NRDC: variants seen among roughly 807,000 people sequenced by gnomAD.
NRDC encodes nardilysin.
A neutral mutation model predicts 147.1 loss-of-function variants in NRDC; 54 were observed. That is an observed-to-expected ratio of 0.37 (90% CI 0.29 to 0.46). The LOEUF is 0.46. Ranked by LOEUF, NRDC falls within the 20% of genes least tolerant of loss-of-function variation. The pLI, the probability that NRDC is intolerant of heterozygous loss-of-function variation, is 1.00. For missense variants in NRDC, 1,082 were observed against 1,370.6 expected (o/e 0.79, Z 3.33); for synonymous variants, 440 against 482.1 (o/e 0.91, Z 1.14).
intron 5 of NRDC, 99 bp downstream of exon 5, chr1:51,827,697 T>C: frequency 1.1e-6 from 1 of 872,730 alleles, no homozygotes; most frequent in South Asian, 1.6e-5. Context: ...CTTTAAAATA[T>C]AAAGATAAAA....
chr1:51,820,099 A>G (rs538624263), intron 8 of NRDC, among the ~76,000 whole-genome samples: 1 of 152,306 alleles, frequency 6.6e-6, no homozygotes, highest in South Asian at 2.1e-4. Context: ...AACTCAAGAG[A>G]TAGAGAATGA....
intron 10 of NRDC, 138 bp from the exon 11 acceptor site, chr1:51,816,527 A>C (rs1046479088): frequency 4.7e-6 from 2 of 422,996 alleles, no homozygotes; most frequent in Admixed American, 4.3e-5. Flanking sequence ...ATGAAATTAT[A>C]ATTAATTTAG....
At chr1:51,814,938 A>G (rs1332453382) in intron 11 of NRDC, 125 bp from the exon 12 acceptor site, 9 of 1,031,106 alleles carry the variant, frequency 8.7e-6, no homozygotes, top group African/African-American at 8.1e-5. Flanking sequence ...GAATGTAAAC[A>G]TATACTTTCC....
chr1:51,858,503 C>T (rs1469788792), intron 1 of NRDC, among the ~76,000 whole-genome samples: 1 of 148,146 alleles, frequency 6.8e-6, no homozygotes, highest in African/African-American at 2.5e-5. Flanking sequence ...AAATAAAAAG[C>T]TCAGGTGAAT....
At chr1:51,851,261 G>C (rs1457537947) in intron 1 of NRDC, among the ~76,000 whole-genome samples, 2 of 152,088 alleles carry the variant, frequency 1.3e-5, no homozygotes, top group African/African-American at 4.8e-5. Flanking sequence ...GCTTCAGCAA[G>C]GTATTGGGCT....
chr1:51,837,610 C>G (rs1392558217), intron 2 of NRDC: 2 of 1,529,610 alleles, frequency 1.3e-6, no homozygotes, highest in Non-Finnish European at 1.8e-6. Flanking sequence ...CAAAAACAGG[C>G]TCTGCAATTG....
At chr1:51,849,437 A>C (rs953314279) in intron 1 of NRDC, among the ~76,000 whole-genome samples, 1 of 151,984 alleles carries the variant, frequency 6.6e-6, no homozygotes, top group Non-Finnish European at 1.5e-5. Context: ...CAAAACAAAA[A>C]AAACCCAACA....
At chr1:51,851,192 G>A (rs1331579661) in intron 1 of NRDC, among the ~76,000 whole-genome samples, 1 of 152,098 alleles carries the variant, frequency 6.6e-6, no homozygotes, top group Non-Finnish European at 1.5e-5. Flanking sequence ...TTTGGTAAGT[G>A]GGGGGTTGAT....
At chr1:51,803,319 A>G (rs998922529) in intron 20 of NRDC, among the ~76,000 whole-genome samples, 1 of 152,130 alleles carries the variant, frequency 6.6e-6, no homozygotes, top group Non-Finnish European at 1.5e-5. Flanking sequence ...TACTAAAAAT[A>G]CAAAAATTAG....
chr1:51,822,578 T>C (rs1213839877), intron 7 of NRDC, among the ~76,000 whole-genome samples: 4 of 152,176 alleles, frequency 2.6e-5, no homozygotes, highest in African/African-American at 9.7e-5. Context: ...TTTTAAAATT[T>C]TGAAATAAGC....
intron 1 of NRDC, among the ~76,000 whole-genome samples, chr1:51,858,653 C>G (rs934201339): frequency 6.6e-6 from 1 of 152,106 alleles, no homozygotes; most frequent in African/African-American, 2.4e-5. Context: ...TTTTTTAGAT[C>G]TATCCAGTCT....
chr1:51,847,234 TGAC>T (rs1269860460), intron 1 of NRDC, among the ~76,000 whole-genome samples: 1 of 152,220 alleles, frequency 6.6e-6, no homozygotes, highest in African/African-American at 2.4e-5. Context: ...CACAGAGTGC[TGAC>T]TGGTGTATCC....
intron 1 of NRDC, among the ~76,000 whole-genome samples, chr1:51,846,194 C>T (rs546054819): frequency 6.6e-6 from 1 of 152,146 alleles, no homozygotes; most frequent in African/African-American, 2.4e-5. Flanking sequence ...TCACTGCAAC[C>T]TCCACTTCCC....
intron 16 of NRDC, among the ~76,000 whole-genome samples, chr1:51,809,928 A>G (rs149114857): frequency 1.3e-5 from 2 of 152,048 alleles, no homozygotes; most frequent in Non-Finnish European, 2.9e-5. Flanking sequence ...GAAAAGAAAA[A>G]AGAGAAATGC....
chr1:51,822,329 T>G (rs1231746439), intron 7 of NRDC, among the ~76,000 whole-genome samples: 1 of 152,178 alleles, frequency 6.6e-6, no homozygotes, highest in Non-Finnish European at 1.5e-5. Flanking sequence ...TTAAATGGTA[T>G]AATTAATGCT....
At chr1:51,796,244 C>CTT (rs571646295) in intron 22 of NRDC, among the ~76,000 whole-genome samples, 17 of 145,144 alleles carry the variant, frequency 1.2e-4, no homozygotes, top group African/African-American at 4.3e-4. Context: ...ACTCCCAACT[C>CTT]TTTTTTTTTT....
At position 51,809,366 on chromosome 1, in the gene NRDC, T is replaced by C; in HGVS notation, c.1939A>G (p.Asn647Asp). ...ENSWAELWNSNFELNPDLHLP... is the reference protein window; with the variant it reads ...ENSWAELWNSDFELNPDLHLP... Reference sequence around the variant, plus strand: ...TGAAGATCTGGATTTAATTCGAAATTACTATTCCACAGTTCAGCCCAAGAG... The same window carrying C: ...TGAAGATCTGGATTTAATTCGAAATCACTATTCCACAGTTCAGCCCAAGAG... Residue 647 changes from asparagine to aspartate, a missense_variant, in exon 17 of 31, where the codon AAT becomes GAT. This residue lies in a region of NRDC where 635 missense variants were observed against 923.8 expected (regional missense o/e 0.69). Coordinates refer to ENST00000352171, the MANE Select transcript of NRDC (RefSeq NM_001101662.2). 6.2e-7 allele frequency: 1 copy of C among 1,613,864 alleles called. No individual in the cohort carries two copies. The highest frequency in any genetic ancestry group is 8.5e-7 in the Non-Finnish European group (1 of 1,179,776).
intron 1 of NRDC, among the ~76,000 whole-genome samples, chr1:51,846,112 TATA>T (rs1681560584): frequency 6.7e-6 from 1 of 150,034 alleles, no homozygotes; most frequent in Admixed American, 6.6e-5. Context: ...TTTTACACTT[TATA>T]ATTTTTTTTT....
At chr1:51,828,718 C>T (rs1288483231) in intron 4 of NRDC, among the ~76,000 whole-genome samples, 4 of 136,434 alleles carry the variant, frequency 2.9e-5, no homozygotes, top group South Asian at 2.3e-4. Context: ...GTTTAGTAAA[C>T]TTTTTTTTTT....
Sources: gnomAD v4.1 joint callset for allele counts (sites outside exome capture counted in the v4.1 genomes callset) on GRCh38, gnomAD v4.1.1 for gene constraint, gnomAD v4.1.1 regional missense constraint, MANE v1.5 for transcripts, NCBI Gene and HGNC (gene_info 2026-07-23, HGNC 2026-07-21) for gene names.